The following CSMD1 variants were observed in gnomAD, a reference collection of about 807,000 sequenced individuals.
CSMD1 encodes the protein CUB and Sushi multiple domains 1, also known as CUB and sushi domain-containing protein 1.
In CSMD1, 213 loss-of-function variants were observed where a neutral mutation model predicts 417.5. That is an observed-to-expected ratio of 0.51 (90% CI 0.46 to 0.57). The LOEUF (loss-of-function observed/expected upper bound fraction) is 0.57. Ranked by LOEUF, CSMD1 falls within the 20% of genes least tolerant of loss-of-function variation. CSMD1 has a pLI of 0.00. For synonymous variants in CSMD1, 2,862 were observed against 1,736.8 expected (o/e 1.65, Z -16.11); for missense variants, 6,923 against 4,529.7 (o/e 1.53, Z -15.17).
intron 3 of CSMD1, among the ~76,000 whole-genome samples, chr8:4,155,464 G>C (rs1796786636): frequency 6.6e-6 from 1 of 152,176 alleles, no homozygotes; most frequent in African/African-American, 2.4e-5. Flanking sequence ...AATATGGTAA[G>C]TATGTGTTTC....
intron 3 of CSMD1, among the ~76,000 whole-genome samples, chr8:4,259,435 C>T (rs1443126037): frequency 1.3e-5 from 2 of 152,108 alleles, no homozygotes; most frequent in African/African-American, 4.8e-5. Flanking sequence ...CAGGACCCAT[C>T]CCAGCGCTAT....
At chr8:4,446,751 G>C (rs968386387) in intron 2 of CSMD1, among the ~76,000 whole-genome samples, 4 of 103,302 alleles carry the variant, frequency 3.9e-5, no homozygotes, top group Admixed American at 2.2e-4. Flanking sequence ...GTGTGTGTGT[G>C]TGTCTGTGTG....
At chr8:3,497,041 C>T (rs560612930) in intron 10 of CSMD1, among the ~76,000 whole-genome samples, 31 of 152,052 alleles carry the variant, frequency 2.0e-4, no homozygotes, top group Non-Finnish European at 4.0e-4. Flanking sequence ...ATTTGTTGAC[C>T]CTTGTTTTGT....
At chr8:4,591,782 G>T (rs1416699761) in intron 2 of CSMD1, among the ~76,000 whole-genome samples, 1 of 152,264 alleles carries the variant, frequency 6.6e-6, no homozygotes, top group South Asian at 2.1e-4. Context: ...AGCGTATTGA[G>T]GGGAATGTAC....
intron 10 of CSMD1, among the ~76,000 whole-genome samples, chr8:3,543,517 G>T (rs532758079): frequency 6.6e-6 from 1 of 152,200 alleles, no homozygotes; most frequent in African/African-American, 2.4e-5. Flanking sequence ...GAAATGGGAG[G>T]ATGGCTGGAT....
At chr8:2,991,521 C>T (rs1806385515) in intron 54 of CSMD1, among the ~76,000 whole-genome samples, 1 of 152,100 alleles carries the variant, frequency 6.6e-6, no homozygotes, top group African/African-American at 2.4e-5. Context: ...GAAGAGAAAA[C>T]ATTTCTTTAA....
chr8:4,141,889 A>G (rs1178993564), intron 3 of CSMD1, among the ~76,000 whole-genome samples: 1 of 151,122 alleles, frequency 6.6e-6, no homozygotes, highest in African/African-American at 2.5e-5. Context: ...TACAAGGAGG[A>G]AAGAAAACAT....
At chr8:4,784,187 C>A (rs1797291584) in intron 1 of CSMD1, among the ~76,000 whole-genome samples, 1 of 152,166 alleles carries the variant, frequency 6.6e-6, no homozygotes, top group South Asian at 2.1e-4. Context: ...TTTGTTCTTA[C>A]AAAATGAATA....
chr8:3,989,193 C>T (rs1814557214), intron 5 of CSMD1, among the ~76,000 whole-genome samples: 1 of 152,166 alleles, frequency 6.6e-6, no homozygotes, highest in Non-Finnish European at 1.5e-5. Flanking sequence ...TAGCAGCTCT[C>T]TCAGGGATGT....
intron 26 of CSMD1, among the ~76,000 whole-genome samples, chr8:3,233,993 C>T (rs912521934): frequency 6.6e-6 from 1 of 152,202 alleles, no homozygotes; most frequent in African/African-American, 2.4e-5. Flanking sequence ...ACATCGATGT[C>T]TGTGTATTCT....
At chr8:4,175,905 A>G (rs1278850748) in intron 3 of CSMD1, among the ~76,000 whole-genome samples, 1 of 152,118 alleles carries the variant, frequency 6.6e-6, no homozygotes, top group Non-Finnish European at 1.5e-5. Flanking sequence ...AGTCCTAATT[A>G]CCACTTTTCT....
At chr8:4,069,769 C>T (rs1203958678) in intron 3 of CSMD1, among the ~76,000 whole-genome samples, 1 of 152,164 alleles carries the variant, frequency 6.6e-6, no homozygotes, top group Non-Finnish European at 1.5e-5. Context: ...CTTTATCTTC[C>T]AAACTCCTGT....
intron 3 of CSMD1, among the ~76,000 whole-genome samples, chr8:4,166,881 G>C (rs569829870): frequency 1.3e-5 from 2 of 152,176 alleles, no homozygotes; most frequent in African/African-American, 4.8e-5. Flanking sequence ...TATTTAAAAT[G>C]TATTTCCTTA....
intron 5 of CSMD1, among the ~76,000 whole-genome samples, chr8:3,811,090 G>C (rs1185591204): frequency 6.6e-6 from 1 of 152,118 alleles, no homozygotes; most frequent in East Asian, 1.9e-4. Flanking sequence ...TCGTGATAAA[G>C]GTAGTTCTAA....
chr8:4,515,319 T>A (rs1803055206), intron 2 of CSMD1, among the ~76,000 whole-genome samples: 1 of 152,130 alleles, frequency 6.6e-6, no homozygotes. Flanking sequence ...ATAGCACATG[T>A]AAATAAACAA....
intron 10 of CSMD1, among the ~76,000 whole-genome samples, chr8:3,497,532 G>C (rs570342984): frequency 6.6e-6 from 1 of 152,020 alleles, no homozygotes; most frequent in African/African-American, 2.4e-5. Flanking sequence ...ACCCTTCTAG[G>C]TATCTGGGAT....
chr8:3,880,565 T>C (rs746734923), intron 5 of CSMD1, among the ~76,000 whole-genome samples: 1 of 152,212 alleles, frequency 6.6e-6, no homozygotes, highest in African/African-American at 2.4e-5. Flanking sequence ...GCATTGTGAA[T>C]AGCCAGTTAT....
At chr8:4,533,330 G>C (rs1207579154) in intron 2 of CSMD1, among the ~76,000 whole-genome samples, 1 of 152,190 alleles carries the variant, frequency 6.6e-6, no homozygotes, top group East Asian at 1.9e-4. Flanking sequence ...AGGATTATCA[G>C]TAGTTTAGAG....
chr8:4,280,056 C>T (rs1000954474), intron 3 of CSMD1, among the ~76,000 whole-genome samples: 1 of 152,364 alleles, frequency 6.6e-6, no homozygotes, highest in South Asian at 2.1e-4. Flanking sequence ...AGCTAGAACG[C>T]TGAGCGTTAA....
Sources: gnomAD v4.1 joint callset for allele counts (sites outside exome capture counted in the v4.1 genomes callset) on GRCh38, gnomAD v4.1.1 for gene constraint, MANE v1.5 for transcripts, NCBI Gene and HGNC (gene_info 2026-07-23, HGNC 2026-07-21) for gene names.